Variants in RYR2 observed in about 807,000 individuals in gnomAD.
The protein encoded by RYR2 is ryanodine receptor 2.
Under a neutral mutation model 601.1 loss-of-function variants are expected in RYR2, and 227 were observed. The ratio of observed to expected loss-of-function variants is 0.38; its 90% CI spans 0.34 to 0.42. RYR2 has a LOEUF of 0.42. Among genes scored for constraint, RYR2 ranks in the 10% least tolerant of loss-of-function variants. The pLI, the probability that RYR2 is intolerant of heterozygous loss-of-function variation, is 1.00. For synonymous variants in RYR2, 2,223 were observed against 2,175.1 expected (o/e 1.02, Z -0.61); for missense variants, 4,646 against 6,156.5 (o/e 0.75, Z 8.21).
At chr1:237,352,424 A>T (rs1033802424) in intron 3 of RYR2, among the ~76,000 whole-genome samples, 1 of 152,152 alleles carries the variant, frequency 6.6e-6, no homozygotes, top group Non-Finnish European at 1.5e-5. Flanking sequence ...AAAATTGAGA[A>T]ACATTTTGAG....
In RYR2 at chr1:237,374,734, C is replaced by T. The variant is rs776832019; in HGVS notation, c.402C>T (p.Ser134=). The T allele has an allele frequency of 1.8e-5, 29 of 1,612,592 alleles. No individual in the cohort carries two copies. In the Admixed American group the frequency reaches 3.8e-4, roughly 21 times the overall value. ...CTTTGTAGTATCTGTGCTGCCTGTC[C>T]ACCTCCCGGTCTTCAACTGATAAGC... ...SYSGMYLCCL[S]TSRSSTDKLA... The change falls in exon 7 of 105, where the codon TCC becomes TCT. Residue 134 remains serine, a synonymous_variant. Coordinates refer to ENST00000366574, the MANE Select transcript of RYR2 (RefSeq NM_001035.3).
chr1:237,780,500 T>C (rs186668294), intron 88 of RYR2, among the ~76,000 whole-genome samples: 3 of 151,854 alleles, frequency 2.0e-5, no homozygotes, highest in Admixed American at 2.0e-4. Flanking sequence ...GTACCAAAAA[T>C]GCCTTGTACA....
At chr1:237,595,356 A>C in intron 33 of RYR2, 142 bp from the exon 34 acceptor site, 1 of 884,816 alleles carries the variant, frequency 1.1e-6, no homozygotes, top group Non-Finnish European at 1.7e-6. Context: ...TCAGAATCAC[A>C]GAATCGGGCC....
rs1339770018 is a variant in RYR2, at chr1:237,593,348, CA to C, written c.4276-125del. ...TGTGCCTACAATATTTTCATTCACC[CA>C]AACGGTTTTAAACCAAGAAGTGAAT... is the stretch of plus-strand genomic sequence containing the variant. On this transcript the variant is annotated intron_variant, in intron 32 of 104. Transcript: ENST00000366574. 3 of 826,576 alleles carry C rather than the reference CA, an allele frequency of 3.6e-6. No individual in the cohort carries two copies. In the East Asian group the frequency reaches 8.4e-5, roughly 23 times the overall value. 51.2% of individuals were successfully genotyped at this position (826,576 alleles called of 1,614,324 possible).
chr1:237,709,244 G>T, intron 69 of RYR2, 146 bp downstream of exon 69: 1 of 834,270 alleles, frequency 1.2e-6, no homozygotes. Context: ...GTTAATTTTT[G>T]GCTTAAAATT....
intron 1 of RYR2, among the ~76,000 whole-genome samples, chr1:237,209,516 T>TGTGTGTGTGTGTGTA (rs1260539665): frequency 5.4e-5 from 8 of 148,102 alleles, no homozygotes; most frequent in Non-Finnish European, 7.5e-5. Context: ...TGTGTGTGTA[T>TGTGTGTGTGTGTGTA]TTTTTTTTTT....
At chr1:237,803,879 T>C (rs1270278460) in intron 98 of RYR2, among the ~76,000 whole-genome samples, 1 of 152,166 alleles carries the variant, frequency 6.6e-6, no homozygotes, top group Non-Finnish European at 1.5e-5. Context: ...TTGCTGCTTT[T>C]TTTGGCTCTG....
intron 1 of RYR2, among the ~76,000 whole-genome samples, chr1:237,205,333 T>A (rs754450000): frequency 3.3e-5 from 5 of 152,050 alleles, no homozygotes; most frequent in Non-Finnish European, 5.9e-5. Context: ...TTGGGAGCCA[T>A]GGAGGGCTTG....
intron 1 of RYR2, among the ~76,000 whole-genome samples, chr1:237,155,493 A>T (rs1241335852): frequency 2.0e-5 from 3 of 152,100 alleles, no homozygotes; most frequent in Non-Finnish European, 2.9e-5. Context: ...AAGAAAGGGG[A>T]AATTAGATTC....
Position 237,198,072 on chromosome 1 carries a change from A to T in RYR2, c.49-72425A>T, listed in dbSNP as rs12088636. Among the ~76,000 whole-genome samples, 168 of 152,312 alleles carry T rather than the reference A, an allele frequency of 1.1e-3. 2 individuals are homozygous for T. Among genetic ancestry groups the T allele is most frequent in the African/African-American group, 3.9e-3 (164 of 41,570 alleles). On this transcript the variant is annotated intron_variant, in intron 1 of 104. Transcript: ENST00000366574. ...AAAGACGGAAGAAGATTAGGATCAG[A>T]TGGGGGGAAATTCAAGTAGAACATT... is the stretch of plus-strand genomic sequence containing the variant.
At chr1:237,653,942 C>A (rs943170551) in intron 51 of RYR2, among the ~76,000 whole-genome samples, 1 of 152,198 alleles carries the variant, frequency 6.6e-6, no homozygotes, top group Non-Finnish European at 1.5e-5. Context: ...GCCGTGCTGG[C>A]AGCTGATTAG....
chr1:237,320,812 C>T (rs1695553824), intron 2 of RYR2, among the ~76,000 whole-genome samples: 1 of 152,200 alleles, frequency 6.6e-6, no homozygotes, highest in African/African-American at 2.4e-5. Context: ...AGCACTTTTG[C>T]TCCTGCTAGT....
At chr1:237,522,650 A>G (rs1340797275) in intron 24 of RYR2, among the ~76,000 whole-genome samples, 1 of 152,242 alleles carries the variant, frequency 6.6e-6, no homozygotes, top group Non-Finnish European at 1.5e-5. Flanking sequence ...CTTAGAGCTC[A>G]GTAAATATTC....
chr1:237,463,615 G>A (rs919657455), intron 16 of RYR2, among the ~76,000 whole-genome samples: 1 of 152,086 alleles, frequency 6.6e-6, no homozygotes, highest in African/African-American at 2.4e-5. Context: ...CCAAGGCAGT[G>A]GGATCACTTG....
chr1:237,624,226 T>C (rs1356576675), intron 39 of RYR2, among the ~76,000 whole-genome samples: 1 of 152,188 alleles, frequency 6.6e-6, no homozygotes, highest in Admixed American at 6.5e-5. Context: ...GTTTCGGTTA[T>C]ACAAGATGAA....
intron 19 of RYR2, among the ~76,000 whole-genome samples, chr1:237,494,773 G>T (rs1026236387): frequency 7.2e-5 from 11 of 152,084 alleles, no homozygotes; most frequent in African/African-American, 2.7e-4. Flanking sequence ...GAAATGTGGG[G>T]TTTGTTGTGT....
intron 1 of RYR2, among the ~76,000 whole-genome samples, chr1:237,089,546 C>G (rs925861896): frequency 6.6e-6 from 1 of 152,188 alleles, no homozygotes; most frequent in African/African-American, 2.4e-5. Flanking sequence ...TAAAATGTAT[C>G]TTGTCAAGTT....
intron 1 of RYR2, among the ~76,000 whole-genome samples, chr1:237,124,103 C>A (rs1377679311): frequency 1.3e-5 from 2 of 152,104 alleles, no homozygotes; most frequent in African/African-American, 4.8e-5. Context: ...AGCTGGAGAA[C>A]AGGGTTACGG....
intron 17 of RYR2, among the ~76,000 whole-genome samples, chr1:237,474,247 A>AAC: frequency 7.4e-6 from 1 of 134,528 alleles, no homozygotes; most frequent in Admixed American, 7.5e-5. Context: ...ATGTATAGAT[A>AAC]TATACATATG....
Sources: gnomAD v4.1 joint callset for allele counts (sites outside exome capture counted in the v4.1 genomes callset) on GRCh38, gnomAD v4.1.1 for gene constraint, MANE v1.5 for transcripts, NCBI Gene and HGNC (gene_info 2026-07-23, HGNC 2026-07-21) for gene names.